MGAT3: variants seen among roughly 807,000 people sequenced by gnomAD.
The protein encoded by MGAT3 is GlcNAc-T III.
Under a neutral mutation model 29.8 loss-of-function variants are expected in MGAT3, and 9 were observed. The ratio of observed to expected loss-of-function variants is 0.30; its 90% CI spans 0.18 to 0.53. The LOEUF (loss-of-function observed/expected upper bound fraction) is 0.53. Ranked by LOEUF, MGAT3 falls within the 20% of genes least tolerant of loss-of-function variation. The pLI is 0.96. For synonymous variants in MGAT3, 397 were observed against 348.9 expected, an observed-to-expected ratio of 1.14 and a Z score of -1.54; for missense variants, 557 against 769.5, an observed-to-expected ratio of 0.72 and a Z score of 3.27.
At position 39,491,684 on chromosome 22, in the gene MGAT3, AT is replaced by A. The variant is rs1929457580; in HGVS notation, c.*2737del. ...AGAGGGCTGGGGGCCAGGGCACAGG[AT>A]TGAAGAGTTTCACATATCATCACAG... On this transcript the variant is annotated 3_prime_UTR_variant, in exon 2 of 2. Coordinates refer to ENST00000341184, the MANE Select transcript of MGAT3 (RefSeq NM_002409.5). The surrounding 1 kb of genome is among the most constrained non-coding windows in gnomAD (Gnocchi z 5.5). 1 of 167,300 alleles carries A rather than the reference AT, an allele frequency of 6.0e-6. No individual in the cohort carries two copies. Among genetic ancestry groups the A allele is most frequent in the Non-Finnish European group, 1.5e-5 (1 of 68,304 alleles). The allele number at this position is 167,300 out of a possible 1,614,324, so 10.4% of individuals were successfully genotyped here.
chr22:39,482,147 A>ATTTTTTTTT (rs11380222), intron 1 of MGAT3, among the ~76,000 whole-genome samples: 1 of 134,100 alleles, frequency 7.5e-6, no homozygotes, highest in Non-Finnish European at 1.6e-5. Flanking sequence ...GGCACTGCTA[A>ATTTTTTTTT]TTTTTTTTTT....
chr22:39,474,050 G>A (rs755738968), intron 1 of MGAT3, among the ~76,000 whole-genome samples: 24 of 152,084 alleles, frequency 1.6e-4, no homozygotes, highest in Non-Finnish European at 2.2e-4. Flanking sequence ...CAGACACGGC[G>A]CACTGTCCAG....
chr22:39,482,445 A>G (rs1240256181), intron 1 of MGAT3, among the ~76,000 whole-genome samples: 1 of 152,166 alleles, frequency 6.6e-6, no homozygotes, highest in African/African-American at 2.4e-5. Flanking sequence ...ACCAGAACTT[A>G]CGTTCAAGTC....
At position 39,491,192 on chromosome 22, in the gene MGAT3, T is replaced by C. The variant is rs893520593; in HGVS notation, c.*2243T>C. 1 of 167,532 alleles carries C rather than the reference T, an allele frequency of 6.0e-6. No individual in the cohort carries two copies. Among genetic ancestry groups the C allele is most frequent in the Non-Finnish European group, 1.5e-5 (1 of 68,300 alleles). The allele number at this position is 167,532 out of a possible 1,614,324, so 10.4% of individuals were successfully genotyped here. ...CCAGTGAGGGCATGGTGTGGGGAGC[T>C]GGCCTCAGAGGAGCCGCTGGTGGGC... is the stretch of plus-strand genomic sequence containing the variant. On this transcript the variant is annotated 3_prime_UTR_variant, in exon 2 of 2. Coordinates refer to ENST00000341184, the MANE Select transcript of MGAT3 (RefSeq NM_002409.5). This position sits in a 1 kb window ranked among gnomAD's most constrained non-coding sequence, Gnocchi z 5.5.
chr22:39,486,320 T>A (rs1929271261), intron 1 of MGAT3: 1 of 292,942 alleles, frequency 3.4e-6, no homozygotes, highest in Admixed American at 5.1e-5. Context: ...AACTTTTGTA[T>A]TTTTAGTAGA....
chr22:39,467,371 C>T (rs534068657), intron 1 of MGAT3, among the ~76,000 whole-genome samples: 1 of 152,266 alleles, frequency 6.6e-6, no homozygotes, highest in East Asian at 1.9e-4. Flanking sequence ...CTGGGGTGTG[C>T]TTTGGGATCC....
chr22:39,481,538 A>G (rs1367923007), intron 1 of MGAT3, among the ~76,000 whole-genome samples: 1 of 152,066 alleles, frequency 6.6e-6, no homozygotes, highest in Non-Finnish European at 1.5e-5. Context: ...CTCTGGCAAA[A>G]TCGTTGCTGA....
chr22:39,458,451 C>T (rs1242851979), intron 1 of MGAT3, among the ~76,000 whole-genome samples: 1 of 152,082 alleles, frequency 6.6e-6, no homozygotes, highest in Non-Finnish European at 1.5e-5. Flanking sequence ...AGTCCAGATT[C>T]GCCTTGATGG....
chr22:39,464,650 A>G (rs1202123097), intron 1 of MGAT3, among the ~76,000 whole-genome samples: 2 of 151,880 alleles, frequency 1.3e-5, no homozygotes, highest in East Asian at 3.9e-4. Flanking sequence ...CATGTTGGCC[A>G]GGCTGGTCTC....
intron 1 of MGAT3, among the ~76,000 whole-genome samples, chr22:39,484,356 CTTG>C (rs1487902528): frequency 6.6e-6 from 1 of 151,864 alleles, no homozygotes; most frequent in African/African-American, 2.4e-5. Context: ...GATTAGGAGC[CTTG>C]TTTTTTTTTG....
rs1218838311 is a variant in MGAT3, at chr22:39,489,660, AG to A, written c.*713del. ...CAACACAGGGGCCTGGAGAACCCTG[AG>A]GAGCTTTCCTTTTGGTTCTAAACCC... is the stretch of plus-strand genomic sequence containing the variant. On this transcript the variant is annotated 3_prime_UTR_variant, in exon 2 of 2. Transcript: ENST00000341184. The A allele has an allele frequency of 6.0e-6, 1 of 167,498 alleles. No individual in the cohort carries two copies. The highest frequency in any genetic ancestry group is 2.4e-5 in the African/African-American group (1 of 41,446). 10.4% of individuals were successfully genotyped at this position (167,498 alleles called of 1,614,324 possible).
At chr22:39,482,064 CCA>C (rs990729716) in intron 1 of MGAT3, among the ~76,000 whole-genome samples, 16 of 152,184 alleles carry the variant, frequency 1.1e-4, no homozygotes, top group African/African-American at 3.6e-4. Flanking sequence ...AGCAGTCTTC[CCA>C]CCTCAGCTTC....
At position 39,487,187 on chromosome 22, in the gene MGAT3, C is replaced by T. The variant is rs757596209; in HGVS notation, c.-1-160C>T. On this transcript the variant is annotated intron_variant, in intron 1 of 1. Transcript: ENST00000341184. This position sits in a 1 kb window ranked among gnomAD's most constrained non-coding sequence, Gnocchi z 5.7. ...GGGGCTTTCAGGGGCCTTGGTACCGCGAGTTGACTCTTGGGGGCAGGAGGT... is the reference window on the plus strand; with the variant it reads ...GGGGCTTTCAGGGGCCTTGGTACCGTGAGTTGACTCTTGGGGGCAGGAGGT... 4.0e-5 allele frequency: 10 copies of T among 252,470 alleles called. No individual in the cohort carries two copies. Among genetic ancestry groups the T allele is most frequent in the Non-Finnish European group, 4.4e-5 (7 of 160,204 alleles). The allele number at this position is 252,470 out of a possible 1,614,324, so 15.6% of individuals were successfully genotyped here. A position where few individuals can be genotyped will look rare whatever the true frequency, so the allele number is the denominator to read the frequency against.
At chr22:39,482,083 A>G (rs980213757) in intron 1 of MGAT3, among the ~76,000 whole-genome samples, 2 of 151,990 alleles carry the variant, frequency 1.3e-5, no homozygotes, top group Non-Finnish European at 2.9e-5. Flanking sequence ...CTTCCCAAGT[A>G]GCTAGAACTA....
chr22:39,474,724 C>T (rs1928903093), intron 1 of MGAT3, among the ~76,000 whole-genome samples: 1 of 152,258 alleles, frequency 6.6e-6, no homozygotes, highest in Admixed American at 6.5e-5. Context: ...ATTCCTCTGG[C>T]TAATCCCAAA....
chr22:39,486,167 T>C (rs1163259917), intron 1 of MGAT3: 40 of 414,746 alleles, frequency 9.6e-5, no homozygotes, highest in Admixed American at 5.5e-4. Context: ...TTTTTTTAGA[T>C]GGAGTCTTGC....
In MGAT3 at chr22:39,488,766, G is replaced by A. The variant is rs143307949; in HGVS notation, c.1419G>A (p.Pro473=). The A allele has an allele frequency of 1.1e-3, 1,813 of 1,612,360 alleles. 7 individuals are homozygous for A. The highest frequency in any genetic ancestry group is 1.1e-3 in the Admixed American group (68 of 59,776). ...GWFDGTQQEY[P]PADPSEHMYA... ...TCGACGGCACGCAGCAGGAGTACCC[G>A]CCTGCAGACCCCAGCGAGCACATGT... is the stretch of plus-strand genomic sequence containing the variant. The change falls in exon 2 of 2, where the codon CCG becomes CCA. Residue 473 remains proline (P), a synonymous_variant. Coordinates refer to ENST00000341184, the MANE Select transcript of MGAT3 (RefSeq NM_002409.5).
At chr22:39,481,715 C>T (rs956019780) in intron 1 of MGAT3, among the ~76,000 whole-genome samples, 3 of 152,218 alleles carry the variant, frequency 2.0e-5, no homozygotes, top group Non-Finnish European at 2.9e-5. Flanking sequence ...GGGCTCAGGA[C>T]AGCTTTACCA....
chr22:39,487,274 C>T lies in MGAT3; in HGVS notation c.-1-73C>T. 2 of 1,456,662 alleles carry T rather than the reference C, an allele frequency of 1.4e-6. No individual in the cohort carries two copies. Among genetic ancestry groups the T allele is most frequent in the Non-Finnish European group, 1.9e-6 (2 of 1,077,932 alleles). The allele number at this position is 1,456,662 out of a possible 1,614,324, so 90.2% of individuals were successfully genotyped here. On this transcript the variant is annotated intron_variant, in intron 1 of 1. Coordinates refer to ENST00000341184, the MANE Select transcript of MGAT3 (RefSeq NM_002409.5). The surrounding 1 kb of genome is among the most constrained non-coding windows in gnomAD (Gnocchi z 5.7). Reference sequence around the variant, plus strand: ...TTGTCCAGCAAGGTGGCAGCAGAGGCCTCCTAGGTCCCCTTCCTAGGAAAG... The same window carrying T: ...TTGTCCAGCAAGGTGGCAGCAGAGGTCTCCTAGGTCCCCTTCCTAGGAAAG...
Sources: gnomAD v4.1 joint callset for allele counts (sites outside exome capture counted in the v4.1 genomes callset) on GRCh38, gnomAD v4.1.1 for gene constraint, Gnocchi (gnomAD v3.1) non-coding constraint, MANE v1.5 for transcripts, NCBI Gene and HGNC (gene_info 2026-07-23, HGNC 2026-07-21) for gene names.